Variants in TENM3 observed in about 807,000 individuals in gnomAD.
TENM3 encodes teneurin transmembrane protein 3, also known as teneurin-3.
Under a neutral mutation model 255.1 loss-of-function variants are expected in TENM3, and 63 were observed. That is an observed-to-expected ratio of 0.25 (90% confidence interval 0.20 to 0.30). The LOEUF is 0.30. TENM3 is among the 10% of genes least tolerant of loss of function. The pLI is 1.00. For synonymous variants in TENM3, 1,306 were observed against 1,322.3 expected, an observed-to-expected ratio of 0.99 and a Z score of 0.27; for missense variants, 2,929 against 3,461.1, an observed-to-expected ratio of 0.85 and a Z score of 3.86.
At chr4:181,967,711 A>G in the TENM3 span, among the ~76,000 whole-genome samples, 17 of 152,056 alleles carry the variant, frequency 1.1e-4, no homozygotes, top group African/African-American at 4.1e-4. Context: ...ATGATATAGC[A>G]CAAACTCAAA....
the TENM3 span, among the ~76,000 whole-genome samples, chr4:181,922,046 G>A: frequency 6.6e-6 from 1 of 152,072 alleles, no homozygotes; most frequent in African/African-American, 2.4e-5. Context: ...TTATTGATTT[G>A]CATATATTGA....
chr4:182,709,834 G>A (rs1312483763), intron 12 of TENM3, among the ~76,000 whole-genome samples: 9 of 152,034 alleles, frequency 5.9e-5, no homozygotes, highest in Non-Finnish European at 1.2e-4. Flanking sequence ...TTTTTCTTAC[G>A]GTTGGTTTTT....
chr4:182,016,668 G>C, the TENM3 span, among the ~76,000 whole-genome samples: 1 of 152,074 alleles, frequency 6.6e-6, no homozygotes, highest in Non-Finnish European at 1.5e-5. Flanking sequence ...ATAGGTGATT[G>C]GGTCCAAAAT....
chr4:181,779,432 C>A, the TENM3 span, among the ~76,000 whole-genome samples: 1 of 151,778 alleles, frequency 6.6e-6, no homozygotes, highest in Non-Finnish European at 1.5e-5. Flanking sequence ...CCAACCTAAC[C>A]AAGCTGACAC....
At chr4:182,628,252 TGTAGCTGG>T (rs1751022867) in intron 4 of TENM3, among the ~76,000 whole-genome samples, 1 of 152,138 alleles carries the variant, frequency 6.6e-6, no homozygotes. Context: ...TAAATGGCCA[TGTAGCTGG>T]GTTTCTTTTG....
chr4:182,101,569 A>G, the TENM3 span, among the ~76,000 whole-genome samples: 7 of 152,236 alleles, frequency 4.6e-5, no homozygotes, highest in South Asian at 2.1e-4. Context: ...TAAAAAGTTG[A>G]ACTCATAGAA....
At chr4:181,776,042 T>C in the TENM3 span, among the ~76,000 whole-genome samples, 820 of 152,250 alleles carry the variant, frequency 5.4e-3, 8 homozygotes, top group African/African-American at 0.018. Flanking sequence ...TGTATGTTTG[T>C]GTACCCATTA....
the TENM3 span, among the ~76,000 whole-genome samples, chr4:181,705,097 T>C: frequency 6.6e-6 from 1 of 151,300 alleles, no homozygotes; most frequent in Non-Finnish European, 1.5e-5. Flanking sequence ...TCTCTCCTCA[T>C]TGGACATAGG....
chr4:181,532,732 T>C, the TENM3 span, among the ~76,000 whole-genome samples: 2 of 152,210 alleles, frequency 1.3e-5, no homozygotes, highest in African/African-American at 4.8e-5. Flanking sequence ...ATTTCTATTT[T>C]ATATCCTAGT....
At chr4:182,738,649 C>G (rs975951549) in intron 18 of TENM3, 105 bp downstream of exon 18, 1 of 912,150 alleles carries the variant, frequency 1.1e-6, no homozygotes, top group African/African-American at 1.7e-5. Context: ...TTTATGCTAT[C>G]CATGCTGTAG....
At chr4:181,482,274 G>A in the TENM3 span, among the ~76,000 whole-genome samples, 4 of 152,046 alleles carry the variant, frequency 2.6e-5, no homozygotes, top group Admixed American at 6.6e-5. Flanking sequence ...CACTTAGGCC[G>A]AAAATCAGTC....
chr4:181,663,465 C>T, the TENM3 span, among the ~76,000 whole-genome samples: 35 of 152,070 alleles, frequency 2.3e-4, no homozygotes, highest in Non-Finnish European at 4.7e-4. Context: ...AACTTCCTGT[C>T]CCTTAATGCT....
the TENM3 span, among the ~76,000 whole-genome samples, chr4:181,634,168 C>T: frequency 6.6e-6 from 1 of 152,168 alleles, no homozygotes; most frequent in Non-Finnish European, 1.5e-5. Flanking sequence ...ACCTTATTTA[C>T]ATATTTGCCT....
In TENM3 at chr4:182,428,280, G is replaced by A. The variant is rs72997353; in HGVS notation, c.511+81351G>A. ...AAGAAAAAGCCAGAAATCCATTTCA[G>A]TAGACCTGGAAGAAATGAATGTCAA... On this transcript the variant is annotated intron_variant, in intron 3 of 27. Transcript: ENST00000511685. Among the ~76,000 whole-genome samples, 1,406 of 152,210 alleles carry A rather than the reference G, an allele frequency of 9.2e-3. 26 individuals carry two copies. Among genetic ancestry groups the A allele is most frequent in the African/African-American group, 0.032 (1,337 of 41,522 alleles).
intron 3 of TENM3, among the ~76,000 whole-genome samples, chr4:182,353,047 T>C (rs1432239650): frequency 6.6e-6 from 1 of 152,162 alleles, no homozygotes; most frequent in Non-Finnish European, 1.5e-5. Flanking sequence ...TGTCATGTAC[T>C]TGCGATCATT....
chr4:181,922,570 C>G, the TENM3 span, among the ~76,000 whole-genome samples: 2 of 151,978 alleles, frequency 1.3e-5, no homozygotes, highest in Admixed American at 1.3e-4. Context: ...TCTGTGGGAT[C>G]GGTGGTGATA....
At chr4:182,193,253 A>G (rs1753632081) in intron 1 of TENM3, among the ~76,000 whole-genome samples, 1 of 152,220 alleles carries the variant, frequency 6.6e-6, no homozygotes, top group Non-Finnish European at 1.5e-5. Flanking sequence ...TGTGTGTAAC[A>G]TTCATTAAAT....
chr4:181,588,531 A>T, the TENM3 span, among the ~76,000 whole-genome samples: 1 of 152,148 alleles, frequency 6.6e-6, no homozygotes, highest in Admixed American at 6.5e-5. Context: ...AAGGATAGAG[A>T]TTCCAATTGG....
At chr4:181,525,412 A>T in the TENM3 span, among the ~76,000 whole-genome samples, 1 of 151,666 alleles carries the variant, frequency 6.6e-6, no homozygotes, top group South Asian at 2.1e-4. Flanking sequence ...AAAAAAAAAA[A>T]AAAAAGGAAT....
Sources: allele counts gnomAD v4.1 joint callset (sites outside exome capture counted in the v4.1 genomes callset), GRCh38; gene constraint gnomAD v4.1.1; transcripts MANE v1.5; gene names NCBI Gene and HGNC (gene_info 2026-07-23, HGNC 2026-07-21).